DAPK1: variants seen among roughly 807,000 people sequenced by gnomAD.
DAPK1 encodes the protein death associated protein kinase 1.
In DAPK1, 56 loss-of-function variants were observed where a neutral mutation model predicts 144.9. That is an observed-to-expected ratio of 0.39 (90% CI 0.31 to 0.48). The LOEUF is 0.48. Ranked by LOEUF, DAPK1 falls within the 20% of genes least tolerant of loss-of-function variation. The pLI, the probability that DAPK1 is intolerant of heterozygous loss-of-function variation, is 0.95. For synonymous variants in DAPK1, 690 were observed against 749.0 expected (o/e 0.92, Z 1.29); for missense variants, 1,454 against 1,875.4 (o/e 0.78, Z 4.15).
chr9:87,637,911 G>A lies in DAPK1; in HGVS notation c.285-32G>A, dbSNP rs569152788. 2.2e-5 allele frequency: 36 copies of A among 1,607,616 alleles called. No homozygotes were observed. The East Asian group carries it at 7.4e-4, about 33-fold the overall frequency. On this transcript the variant is annotated intron_variant, in intron 3 of 25. Transcript: ENST00000408954. ...GAAGGAATCAATATGAAACAGAGTT[G>A]TTACCAATAACCTCTGCTTCCGGGT...
At chr9:87,696,773 G>A (rs1825274278) in intron 21 of DAPK1, among the ~76,000 whole-genome samples, 1 of 151,966 alleles carries the variant, frequency 6.6e-6, no homozygotes, top group Non-Finnish European at 1.5e-5. Context: ...TTGCACTTAG[G>A]ACCCAAACAC....
At chr9:87,641,722 T>A (rs6560011) in intron 9 of DAPK1, among the ~76,000 whole-genome samples, 1 of 151,878 alleles carries the variant, frequency 6.6e-6, no homozygotes, top group South Asian at 2.1e-4. Flanking sequence ...TGTGGAAAGT[T>A]GTGATTTAGT....
In DAPK1 at chr9:87,643,487, C is replaced by G. The variant is rs1413969175; in HGVS notation, c.1011+19C>G. ...TACTCTGGTAAGCAAACCCGTGAGC[C>G]CTGGTGCTCCTTTCTTAGCACTGGG... On this transcript the variant is annotated intron_variant, in intron 11 of 25. Transcript: ENST00000408954. The G allele has an allele frequency of 1.4e-6, 2 of 1,434,426 alleles. No individual in the cohort carries two copies. Among genetic ancestry groups the G allele is most frequent in the Non-Finnish European group, 1.9e-6 (2 of 1,038,230 alleles). 88.9% of individuals were successfully genotyped at this position (1,434,426 alleles called of 1,614,324 possible).
intron 2 of DAPK1, among the ~76,000 whole-genome samples, chr9:87,589,326 C>T (rs1026961520): frequency 1.3e-5 from 2 of 152,118 alleles, no homozygotes; most frequent in Non-Finnish European, 2.9e-5. Flanking sequence ...ACCACCTTTC[C>T]GATATGGACA....
chr9:87,661,134 A>T (rs1564055512), intron 18 of DAPK1, among the ~76,000 whole-genome samples: 1 of 152,186 alleles, frequency 6.6e-6, no homozygotes, highest in African/African-American at 2.4e-5. Flanking sequence ...CACCACGCCC[A>T]GGCTGATTTC....
intron 2 of DAPK1, among the ~76,000 whole-genome samples, chr9:87,550,071 C>T (rs1826420087): frequency 6.6e-6 from 1 of 152,176 alleles, no homozygotes; most frequent in Admixed American, 6.5e-5. Context: ...CTAAGCACGT[C>T]CTTTGATGAG....
At chr9:87,662,901 C>T (rs1830914517) in intron 18 of DAPK1, among the ~76,000 whole-genome samples, 1 of 152,034 alleles carries the variant, frequency 6.6e-6, no homozygotes, top group East Asian at 1.9e-4. Flanking sequence ...ACAAAGCTTT[C>T]CTTCTGTGCC....
At chr9:87,614,629 G>A (rs953723734) in intron 3 of DAPK1, among the ~76,000 whole-genome samples, 3 of 152,162 alleles carry the variant, frequency 2.0e-5, no homozygotes, top group African/African-American at 7.2e-5. Flanking sequence ...CATCAAGCGG[G>A]TGTAATGGAA....
intron 10 of DAPK1, 85 bp from the exon 11 acceptor site, chr9:87,643,291 T>C (rs927189625): frequency 2.8e-5 from 21 of 751,412 alleles, no homozygotes; most frequent in Middle Eastern, 5.6e-4. Flanking sequence ...CATTTGACAA[T>C]TGTTACATAA....
At chr9:87,657,345 G>A (rs183061740) in intron 17 of DAPK1, 2 of 153,102 alleles carry the variant, frequency 1.3e-5, no homozygotes, top group African/African-American at 4.8e-5. Context: ...GACTCAGAGT[G>A]GACACGGCCT....
chr9:87,614,614 C>T (rs1271869060), intron 3 of DAPK1, among the ~76,000 whole-genome samples: 1 of 152,200 alleles, frequency 6.6e-6, no homozygotes, highest in East Asian at 1.9e-4. Context: ...CTTCCCCAAC[C>T]TGCACATCAA....
chr9:87,627,516 C>T (rs553755780), intron 3 of DAPK1, among the ~76,000 whole-genome samples: 1 of 152,120 alleles, frequency 6.6e-6, no homozygotes, highest in African/African-American at 2.4e-5. Flanking sequence ...CCCTTGCCCC[C>T]GGCAGCTCTC....
intron 18 of DAPK1, among the ~76,000 whole-genome samples, chr9:87,663,872 G>A (rs1160466752): frequency 6.6e-6 from 1 of 152,000 alleles, no homozygotes; most frequent in Non-Finnish European, 1.5e-5. Context: ...CCAGGATCAT[G>A]GAAACCCTTC....
chr9:87,654,787 C>T (rs1564051359), intron 17 of DAPK1, among the ~76,000 whole-genome samples: 1 of 152,182 alleles, frequency 6.6e-6, no homozygotes, highest in Non-Finnish European at 1.5e-5. Flanking sequence ...CTAGAATCAG[C>T]TCTCCCCTTG....
chr9:87,633,447 A>T, intron 3 of DAPK1: 1 of 938,678 alleles, frequency 1.1e-6, no homozygotes, highest in African/African-American at 1.8e-5. Context: ...AACCTTTCTA[A>T]TGTCTAACTG....
At chr9:87,702,478 A>G (rs1443109973) in intron 24 of DAPK1, among the ~76,000 whole-genome samples, 1 of 152,168 alleles carries the variant, frequency 6.6e-6, no homozygotes, top group Non-Finnish European at 1.5e-5. Context: ...TCCTCTGTTC[A>G]TAAAGTGATC....
chr9:87,587,975 A>G (rs908126101), intron 2 of DAPK1, among the ~76,000 whole-genome samples: 2 of 152,214 alleles, frequency 1.3e-5, no homozygotes, highest in African/African-American at 4.8e-5. Context: ...TACATGTATA[A>G]CTCATTTAAT....
At position 87,686,629 on chromosome 9, in the gene DAPK1, G is replaced by C. The variant is rs773960447; in HGVS notation, c.2303G>C (p.Gly768Ala). The part of the protein sequence containing the change: ...VRSRSMMFEP[G>A]LTKGMLEVFV... ...AGCCGCAGCATGATGTTCGAGCCGG[G>C]TCTTACCAAAGGGATGCTGGAGGTG... is the stretch of plus-strand genomic sequence containing the variant. Residue 768 changes from glycine (G) to alanine (A), a missense_variant, in exon 21 of 26, where the codon GGT becomes GCT. Gly to Ala is a moderately conservative substitution (Grantham distance 60, BLOSUM62 0). Around this residue, in one of 2 missense-constraint regions of DAPK1, gnomAD observed 1,025 missense variants for 1,237.9 expected, o/e 0.83. Transcript: ENST00000408954. The surrounding 1 kb of genome is among the most constrained non-coding windows in gnomAD (Gnocchi z 4.2). 5.6e-6 allele frequency: 9 copies of C among 1,611,292 alleles called. No individual in the cohort carries two copies. The highest frequency in any genetic ancestry group is 1.3e-5 in the African/African-American group (1 of 74,858).
At chr9:87,673,057 T>C (rs1005783507) in intron 19 of DAPK1, among the ~76,000 whole-genome samples, 16 of 152,216 alleles carry the variant, frequency 1.1e-4, no homozygotes, top group African/African-American at 3.9e-4. Context: ...TGTTTCTCAC[T>C]GGGTGCTGTT....
Sources: allele counts gnomAD v4.1 joint callset (sites outside exome capture counted in the v4.1 genomes callset), GRCh38; gene constraint gnomAD v4.1.1; regional missense constraint gnomAD v4.1.1; non-coding constraint Gnocchi (gnomAD v3.1); transcripts MANE v1.5; gene names NCBI Gene and HGNC (gene_info 2026-07-23, HGNC 2026-07-21).